The following CDH18 variants were observed in gnomAD, a reference collection of about 807,000 sequenced individuals.
CDH18 encodes cadherin 18.
CDH18 carries 31 observed loss-of-function variants against 67.9 expected under a neutral mutation model. That is an observed-to-expected ratio of 0.46 (90% CI 0.34 to 0.62). The LOEUF (loss-of-function observed/expected upper bound fraction) is 0.62. CDH18 is among the 20% of genes least tolerant of loss of function. CDH18 has a pLI of 0.01. For missense variants in CDH18, 890 were observed against 975.5 expected (o/e 0.91, Z 1.17); for synonymous variants, 362 against 347.2 (o/e 1.04, Z -0.48).
At chr5:20,190,405 T>C (rs1738444295) in intron 2 of CDH18, among the ~76,000 whole-genome samples, 1 of 152,104 alleles carries the variant, frequency 6.6e-6, no homozygotes, top group Admixed American at 6.6e-5. Flanking sequence ...GCTTGATATA[T>C]TTAATATAAA....
intron 9 of CDH18, among the ~76,000 whole-genome samples, chr5:19,540,387 A>G (rs373605): frequency 0.26 from 38,776 of 151,812 alleles, 5,864 homozygotes; most frequent in African/African-American, 0.41. Context: ...CAACCTGTCA[A>G]TGGATCTACC....
chr5:20,425,672 G>A (rs980395629), intron 1 of CDH18, among the ~76,000 whole-genome samples: 5 of 150,846 alleles, frequency 3.3e-5, no homozygotes, highest in African/African-American at 1.2e-4. Context: ...GAGATTGGGC[G>A]CAGAGCTGAT....
chr5:20,241,601 C>T (rs1234191643), intron 2 of CDH18, among the ~76,000 whole-genome samples: 1 of 151,974 alleles, frequency 6.6e-6, no homozygotes, highest in African/African-American at 2.4e-5. Flanking sequence ...CCTGTAATTC[C>T]AGCACTTTGG....
At chr5:19,641,049 T>C (rs1412634360) in intron 5 of CDH18, among the ~76,000 whole-genome samples, 1 of 151,636 alleles carries the variant, frequency 6.6e-6, no homozygotes, top group East Asian at 1.9e-4. Context: ...TTTTTATGGT[T>C]ATTGTGCACA....
chr5:19,956,265 C>T (rs1336972294), intron 2 of CDH18, among the ~76,000 whole-genome samples: 1 of 151,878 alleles, frequency 6.6e-6, no homozygotes, highest in Non-Finnish European at 1.5e-5. Flanking sequence ...TTACTTCTTC[C>T]ATACTTTCTA....
At chr5:19,653,661 C>A (rs1201743996) in intron 5 of CDH18, among the ~76,000 whole-genome samples, 1 of 152,132 alleles carries the variant, frequency 6.6e-6, no homozygotes, top group Non-Finnish European at 1.5e-5. Context: ...AAGATCCCCC[C>A]AGGCCATCTC....
At chr5:19,914,703 T>C (rs1205756299) in intron 2 of CDH18, among the ~76,000 whole-genome samples, 1 of 152,148 alleles carries the variant, frequency 6.6e-6, no homozygotes, top group African/African-American at 2.4e-5. Flanking sequence ...ATTTGAATTT[T>C]ATGCATTTTG....
chr5:20,027,611 G>A (rs887964304), intron 2 of CDH18, among the ~76,000 whole-genome samples: 39 of 152,138 alleles, frequency 2.6e-4, no homozygotes, highest in Non-Finnish European at 2.9e-5. Context: ...AGGGAAAGCA[G>A]CTCTGAGACA....
At chr5:20,066,356 C>CTAA (rs1202278136) in intron 2 of CDH18, among the ~76,000 whole-genome samples, 1 of 152,030 alleles carries the variant, frequency 6.6e-6, no homozygotes, top group Non-Finnish European at 1.5e-5. Context: ...TTAGAATTAC[C>CTAA]TAATAATCTC....
intron 3 of CDH18, among the ~76,000 whole-genome samples, chr5:19,780,263 G>A (rs1401352818): frequency 3.9e-5 from 6 of 152,014 alleles, no homozygotes; most frequent in Admixed American, 3.9e-4. Context: ...TGCTGTATTA[G>A]ATCTTGAACC....
chr5:20,029,840 G>C (rs2150448801), intron 2 of CDH18, among the ~76,000 whole-genome samples: 1 of 152,328 alleles, frequency 6.6e-6, no homozygotes, highest in East Asian at 1.9e-4. Context: ...CAAATGGAGA[G>C]ACTGAGTTTT....
chr5:20,343,493 T>C (rs540096561), intron 1 of CDH18, among the ~76,000 whole-genome samples: 1 of 152,110 alleles, frequency 6.6e-6, no homozygotes, highest in African/African-American at 2.4e-5. Context: ...GTGGTGCAAA[T>C]ATATGTGGCT....
intron 1 of CDH18, among the ~76,000 whole-genome samples, chr5:20,565,144 T>A (rs974680297): frequency 6.6e-6 from 1 of 152,182 alleles, no homozygotes; most frequent in African/African-American, 2.4e-5. Flanking sequence ...ATAGCTCTTC[T>A]TTACTCAAGG....
intron 5 of CDH18, among the ~76,000 whole-genome samples, chr5:19,701,125 A>T (rs1484090117): frequency 6.6e-6 from 1 of 152,154 alleles, no homozygotes; most frequent in Non-Finnish European, 1.5e-5. Flanking sequence ...TCAAATTTTA[A>T]ATCTTGTATA....
At chr5:20,524,060 A>G (rs968084066) in intron 1 of CDH18, among the ~76,000 whole-genome samples, 6 of 152,174 alleles carry the variant, frequency 3.9e-5, no homozygotes, top group African/African-American at 1.4e-4. Context: ...TATTTTATCC[A>G]TATGAAATGA....
chr5:19,970,665 A>C (rs1424472794), intron 2 of CDH18, among the ~76,000 whole-genome samples: 3 of 151,804 alleles, frequency 2.0e-5, no homozygotes, highest in African/African-American at 7.2e-5. Flanking sequence ...TGCTAAGTTC[A>C]CGAGACTCAT....
chr5:20,189,100 T>C lies in CDH18; in HGVS notation c.-518+66344A>G, dbSNP rs974140671. On this transcript the variant is annotated intron_variant, in intron 2 of 14. Coordinates refer to the CDH18 transcript ENST00000507958. Reference sequence around the variant, plus strand: ...CTGTTGCAATGCCTTTCATCGCTACTCCACCTAAAGAGCTATGGAAGAATA... The same window carrying C: ...CTGTTGCAATGCCTTTCATCGCTACCCCACCTAAAGAGCTATGGAAGAATA... Among the ~76,000 whole-genome samples the C allele has an allele frequency of 4.6e-5, 7 of 152,162 alleles. No individual in the cohort carries two copies. In the South Asian group the frequency reaches 1.4e-3, roughly 32 times the overall value.
chr5:20,382,507 A>G (rs541911659), intron 1 of CDH18, among the ~76,000 whole-genome samples: 1 of 152,212 alleles, frequency 6.6e-6, no homozygotes, highest in South Asian at 2.1e-4. Flanking sequence ...TAGGTAATGG[A>G]TGCCAATCAT....
At chr5:19,698,568 A>C (rs967799931) in intron 5 of CDH18, among the ~76,000 whole-genome samples, 1 of 152,096 alleles carries the variant, frequency 6.6e-6, no homozygotes, top group Non-Finnish European at 1.5e-5. Context: ...AAATCACAAT[A>C]AGTTAAAAAT....
Sources: gnomAD v4.1 joint callset for allele counts (sites outside exome capture counted in the v4.1 genomes callset) on GRCh38, gnomAD v4.1.1 for gene constraint, MANE v1.5 for transcripts, NCBI Gene and HGNC (gene_info 2026-07-23, HGNC 2026-07-21) for gene names.